SLC38A1: variants seen among roughly 807,000 people sequenced by gnomAD.
The protein encoded by SLC38A1 is sodium-coupled neutral amino acid symporter 1.
Under a neutral mutation model 60.3 loss-of-function variants are expected in SLC38A1, and 18 were observed. That is an observed-to-expected ratio of 0.30 (90% CI 0.21 to 0.44). The LOEUF (loss-of-function observed/expected upper bound fraction) is 0.44, where lower values mean the gene tolerates loss of function less well. SLC38A1 is among the 20% of genes least tolerant of loss of function. SLC38A1 has a pLI of 1.00. For synonymous variants in SLC38A1, 196 were observed against 212.1 expected (o/e 0.92, Z 0.66); for missense variants, 448 against 587.2 (o/e 0.76, Z 2.45).
At chr12:46,251,443 T>G (rs1941835488) in intron 1 of SLC38A1, among the ~76,000 whole-genome samples, 1 of 152,170 alleles carries the variant, frequency 6.6e-6, no homozygotes, top group African/African-American at 2.4e-5. Flanking sequence ...GGGCAAGGAC[T>G]TCATGACTAA....
intron 1 of SLC38A1, among the ~76,000 whole-genome samples, chr12:46,248,684 A>G (rs2138583866): frequency 6.6e-6 from 1 of 152,364 alleles, no homozygotes; most frequent in Non-Finnish European, 1.5e-5. Flanking sequence ...ATAGATATCT[A>G]CAGAACTCTC....
chr12:46,258,111 G>C (rs1942089372), intron 1 of SLC38A1, among the ~76,000 whole-genome samples: 1 of 152,182 alleles, frequency 6.6e-6, no homozygotes. Context: ...GTAGCAGTGA[G>C]GACGACCAGA....
intron 2 of SLC38A1, among the ~76,000 whole-genome samples, chr12:46,242,776 T>C (rs1941488979): frequency 6.6e-6 from 1 of 152,122 alleles, no homozygotes; most frequent in East Asian, 1.9e-4. Context: ...TGCTCCAACC[T>C]GGGCAACAGA....
chr12:46,226,275 A>G (rs1940859582), intron 5 of SLC38A1, among the ~76,000 whole-genome samples: 1 of 152,104 alleles, frequency 6.6e-6, no homozygotes, highest in African/African-American at 2.4e-5. Context: ...TATTCTCTCT[A>G]CTTCATGTTT....
In SLC38A1 at chr12:46,241,589, G is replaced by A. The variant is rs570800847; in HGVS notation, c.-94+1611C>T. ...GATTTGACCTCATGACTCCTGGTCT[G>A]AGGCTGATTCCTCTAACCACAGTGG... is the stretch of plus-strand genomic sequence containing the variant. On this transcript the variant is annotated intron_variant, in intron 2 of 16. Coordinates refer to ENST00000398637, the MANE Select transcript of SLC38A1 (RefSeq NM_030674.4). 3.3e-4 allele frequency among the ~76,000 whole-genome samples: 51 copies of A among 152,340 alleles called. No homozygotes were observed. The South Asian group carries it at 0.01, about 30-fold the overall frequency.
chr12:46,230,810 G>A (rs1257001078), intron 3 of SLC38A1, among the ~76,000 whole-genome samples: 2 of 152,140 alleles, frequency 1.3e-5, no homozygotes, highest in African/African-American at 2.4e-5. Flanking sequence ...AGATGTTGGC[G>A]AGGATGTGGA....
chr12:46,198,652 G>A lies in SLC38A1; in HGVS notation c.1095C>T (p.Ile365=). The A allele has an allele frequency of 6.2e-7, 1 of 1,612,076 alleles. No homozygotes were observed. The highest frequency in any genetic ancestry group is 8.5e-7 in the Non-Finnish European group (1 of 1,178,606). ...TGAAAAATAACACCGGCACTGTGAGGATCACAGCAACAATGACAGCCAGCC... is the reference window on the plus strand; with the variant it reads ...TGAAAAATAACACCGGCACTGTGAGAATCACAGCAACAATGACAGCCAGCC... ...TVRLAVIVAV[I]LTVPVLFFTV... The change falls in exon 14 of 17, where the codon ATC becomes ATT. Residue 365 remains isoleucine (I), a synonymous_variant. Coordinates refer to ENST00000398637, the MANE Select transcript of SLC38A1 (RefSeq NM_030674.4).
At chr12:46,247,736 G>A (rs1313441695) in intron 1 of SLC38A1, among the ~76,000 whole-genome samples, 1 of 152,180 alleles carries the variant, frequency 6.6e-6, no homozygotes, top group African/African-American at 2.4e-5. Flanking sequence ...ATAATTGTCA[G>A]ATTCACCAAA....
chr12:46,200,632 A>C (rs1337807211), intron 13 of SLC38A1, among the ~76,000 whole-genome samples: 2 of 152,112 alleles, frequency 1.3e-5, no homozygotes, highest in African/African-American at 4.8e-5. Context: ...ATTCCTTTGG[A>C]TCTTTGCAAG....
chr12:46,196,009 T>C (rs1254267922), intron 16 of SLC38A1: 1 of 781,288 alleles, frequency 1.3e-6, no homozygotes, highest in Non-Finnish European at 2.0e-6. Flanking sequence ...CAGTTGGAAA[T>C]GCAGAAATCA....
At chr12:46,264,268 C>A (rs1236405294) in intron 1 of SLC38A1, among the ~76,000 whole-genome samples, 1 of 152,302 alleles carries the variant, frequency 6.6e-6, no homozygotes, top group East Asian at 1.9e-4. Context: ...CTTCACAACT[C>A]TGAGGTACGC....
At chr12:46,192,122 A>T (rs551772586) in intron 16 of SLC38A1, among the ~76,000 whole-genome samples, 3 of 152,178 alleles carry the variant, frequency 2.0e-5, no homozygotes, top group Non-Finnish European at 4.4e-5. Flanking sequence ...TACCTAGTTT[A>T]TTGAGAGTTT....
intron 1 of SLC38A1, among the ~76,000 whole-genome samples, chr12:46,250,326 T>C (rs1302358824): frequency 2.0e-5 from 3 of 152,224 alleles, no homozygotes; most frequent in Non-Finnish European, 4.4e-5. Flanking sequence ...TGGGTATTGA[T>C]GGAACGTTTC....
In SLC38A1 at chr12:46,228,758, T is replaced by G. The variant is rs533481588; in HGVS notation, c.314+395A>C. ...TATTTATTACAAACAAATTTGTAAT[T>G]GCCCTTTGATGTAGTACACGCTTCA... On this transcript the variant is annotated intron_variant, in intron 5 of 16. Transcript: ENST00000398637. Among the ~76,000 whole-genome samples the G allele has an allele frequency of 2.8e-3, 419 of 152,336 alleles. 1 individual carries two copies. Among genetic ancestry groups the G allele is most frequent in the African/African-American group, 9.4e-3 (392 of 41,574 alleles).
At chr12:46,232,728 T>TA (rs1941122245) in intron 3 of SLC38A1, among the ~76,000 whole-genome samples, 1 of 152,212 alleles carries the variant, frequency 6.6e-6, no homozygotes, top group Non-Finnish European at 1.5e-5. Context: ...TCTTCTGAGA[T>TA]ACCAAAATCC....
At position 46,204,599 on chromosome 12, in the gene SLC38A1, A is replaced by G. The variant is rs768988935; in HGVS notation, c.647-9T>C. The stretch of plus-strand genomic sequence containing the variant: ...AGTATAGCCAAGATACCCTTTAAAA[A>G]AAAGTAAAAAATAAATTATTTCATT... On this transcript the variant is annotated splice_polypyrimidine_tract_variant and intron_variant, in intron 9 of 16. Coordinates refer to ENST00000398637, the MANE Select transcript of SLC38A1 (RefSeq NM_030674.4). The G allele has an allele frequency of 1.9e-6, 3 of 1,578,998 alleles. No individual in the cohort carries two copies. Among genetic ancestry groups the G allele is most frequent in the African/African-American group, 1.4e-5 (1 of 72,994 alleles).
At position 46,268,200 on chromosome 12, in the gene SLC38A1, T is replaced by C. The variant is rs1942425022; in HGVS notation, c.-209+326A>G. 6.6e-6 allele frequency among the ~76,000 whole-genome samples: 1 copy of C among 152,064 alleles called. No individual in the cohort carries two copies. The highest frequency in any genetic ancestry group is 6.5e-5 in the Admixed American group (1 of 15,268). ...GCGTGGTTCCTGGCTCTCGTAAAAA[T>C]GGAACCAGATCTGGTACCACACTCT... On this transcript the variant is annotated intron_variant, in intron 1 of 16. Coordinates refer to ENST00000398637, the MANE Select transcript of SLC38A1 (RefSeq NM_030674.4). The surrounding 1 kb of genome is among the most constrained non-coding windows in gnomAD (Gnocchi z 4.4).
chr12:46,262,785 C>T (rs1004791774), intron 1 of SLC38A1, among the ~76,000 whole-genome samples: 7 of 152,136 alleles, frequency 4.6e-5, no homozygotes, highest in Non-Finnish European at 1.0e-4. Context: ...TAAAAATAGA[C>T]TTTTATTTGA....
At chr12:46,224,004 T>A (rs1427748107) in intron 5 of SLC38A1, among the ~76,000 whole-genome samples, 5 of 152,146 alleles carry the variant, frequency 3.3e-5, no homozygotes, top group Non-Finnish European at 7.3e-5. Flanking sequence ...TGTAACAAAA[T>A]GTAACAAAAC....
Sources: allele counts gnomAD v4.1 joint callset (sites outside exome capture counted in the v4.1 genomes callset), GRCh38; gene constraint gnomAD v4.1.1; non-coding constraint Gnocchi (gnomAD v3.1); transcripts MANE v1.5; gene names NCBI Gene and HGNC (gene_info 2026-07-23, HGNC 2026-07-21).